The following RPTOR variants were observed in gnomAD, a reference collection of about 807,000 sequenced individuals.
RPTOR encodes the protein regulatory-associated protein of mTOR.
Under a neutral mutation model 169.9 loss-of-function variants are expected in RPTOR, and 21 were observed. The ratio of observed to expected loss-of-function variants is 0.12; its 90% CI spans 0.09 to 0.18. RPTOR has a LOEUF of 0.18. RPTOR is among the 10% of genes least tolerant of loss of function. The probability of loss-of-function intolerance (pLI) is 1.00; values close to 1 mark genes in which losing one functional copy is unlikely to be tolerated. For missense variants in RPTOR, 1,133 were observed against 1,855.9 expected (o/e 0.61, Z 7.16); for synonymous variants, 732 against 753.2 (o/e 0.97, Z 0.46).
chr17:80,849,659 C>T (rs1224997913), intron 11 of RPTOR, among the ~76,000 whole-genome samples: 1 of 152,210 alleles, frequency 6.6e-6, no homozygotes, highest in African/African-American at 2.4e-5. Flanking sequence ...GCTGGGATTA[C>T]AGGCACCCGC....
In RPTOR at chr17:80,704,822, G is replaced by A. The variant is rs538491293; in HGVS notation, c.349-3019G>A. On this transcript the variant is annotated intron_variant, in intron 3 of 33. Transcript: ENST00000306801. The stretch of plus-strand genomic sequence containing the variant: ...CACCACAGAATTTACCGTCTACACA[G>A]AATTGAGATAGCTGCACATGAATGT... Among the ~76,000 whole-genome samples the A allele has an allele frequency of 2.0e-5, 3 of 152,366 alleles. No homozygotes were observed. In the South Asian group the frequency reaches 6.2e-4, roughly 32 times the overall value.
chr17:80,914,437 C>G (rs115194308), intron 21 of RPTOR, among the ~76,000 whole-genome samples: 1 of 152,182 alleles, frequency 6.6e-6, no homozygotes, highest in Non-Finnish European at 1.5e-5. Flanking sequence ...GGACCAGGAG[C>G]GGGCAGGAGC....
intron 20 of RPTOR, among the ~76,000 whole-genome samples, chr17:80,899,402 A>AT (rs201818544): frequency 2.0e-5 from 3 of 152,118 alleles, no homozygotes; most frequent in African/African-American, 7.3e-5. Context: ...GAAAAAAGGT[A>AT]TTTAAAAATT....
intron 13 of RPTOR, among the ~76,000 whole-genome samples, chr17:80,859,711 TGTGTGCAC>T (rs1424751986): frequency 2.6e-5 from 4 of 152,304 alleles, no homozygotes; most frequent in Non-Finnish European, 5.9e-5. Flanking sequence ...GGCCAGCTGC[TGTGTGCAC>T]GTGTGTGCGG....
intron 4 of RPTOR, among the ~76,000 whole-genome samples, chr17:80,710,322 T>C (rs913833531): frequency 1.3e-5 from 2 of 152,028 alleles, no homozygotes; most frequent in Admixed American, 1.3e-4. Flanking sequence ...TTGTCCTTCT[T>C]GTCTTGGTGT....
chr17:80,618,661 C>T (rs192435344), intron 1 of RPTOR, among the ~76,000 whole-genome samples: 2 of 152,224 alleles, frequency 1.3e-5, no homozygotes, highest in East Asian at 1.9e-4. Flanking sequence ...AGAATTTGGC[C>T]TAAAAAAAGA....
At chr17:80,664,082 G>C (rs535387846) in intron 3 of RPTOR, among the ~76,000 whole-genome samples, 2 of 152,126 alleles carry the variant, frequency 1.3e-5, no homozygotes, top group African/African-American at 4.8e-5. Context: ...CCAGGGCTGC[G>C]TCTGGGAGGG....
intron 9 of RPTOR, among the ~76,000 whole-genome samples, chr17:80,826,814 G>C (rs2067449038): frequency 6.6e-6 from 1 of 152,264 alleles, no homozygotes; most frequent in Non-Finnish European, 1.5e-5. Flanking sequence ...GGCTCCACCA[G>C]CCACACAGCT....
chr17:80,626,513 A>G (rs1446704439), intron 2 of RPTOR, among the ~76,000 whole-genome samples: 2 of 152,094 alleles, frequency 1.3e-5, no homozygotes, highest in Non-Finnish European at 2.9e-5. Context: ...GGCCCATAAT[A>G]ATAATGGCCA....
intron 21 of RPTOR, among the ~76,000 whole-genome samples, chr17:80,911,074 G>A (rs989863568): frequency 2.3e-4 from 35 of 152,078 alleles, no homozygotes; most frequent in African/African-American, 7.2e-4. Flanking sequence ...CTCGTGATCC[G>A]CCTGCCTCGG....
chr17:80,832,501 C>T (rs149616452), intron 9 of RPTOR, among the ~76,000 whole-genome samples: 1 of 152,232 alleles, frequency 6.6e-6, no homozygotes. Context: ...AGTGGCATGT[C>T]CCAGCTCCAA....
chr17:80,888,404 G>A (rs924956412), intron 17 of RPTOR, among the ~76,000 whole-genome samples: 1 of 152,238 alleles, frequency 6.6e-6, no homozygotes, highest in Non-Finnish European at 1.5e-5. Context: ...TTCCCAGGAC[G>A]CTGCTCGGGC....
intron 15 of RPTOR, 93 bp downstream of exon 15, chr17:80,883,577 AG>A (rs976121769): frequency 6.1e-5 from 50 of 818,370 alleles, no homozygotes; most frequent in Non-Finnish European, 9.0e-5. Context: ...CATGGGGGAC[AG>A]GGGGTGTCCA....
At chr17:80,819,671 C>T (rs770929505) in intron 7 of RPTOR, among the ~76,000 whole-genome samples, 3 of 152,188 alleles carry the variant, frequency 2.0e-5, no homozygotes, top group Non-Finnish European at 2.9e-5. Flanking sequence ...GTAGTGCCAG[C>T]GCACGCTCGT....
At chr17:80,781,370 GACA>G (rs1209877147) in intron 6 of RPTOR, among the ~76,000 whole-genome samples, 1 of 152,184 alleles carries the variant, frequency 6.6e-6, no homozygotes, top group Non-Finnish European at 1.5e-5. Flanking sequence ...GCCACCCCAA[GACA>G]ACACTTCCTC....
intron 5 of RPTOR, among the ~76,000 whole-genome samples, chr17:80,732,821 TGTTAGG>T (rs1305786074): frequency 2.0e-5 from 3 of 152,246 alleles, no homozygotes; most frequent in African/African-American, 7.2e-5. Flanking sequence ...CTGTGTAGCC[TGTTAGG>T]GTTTTTCTTT....
At chr17:80,679,175 G>A (rs1052247037) in intron 3 of RPTOR, among the ~76,000 whole-genome samples, 4 of 152,218 alleles carry the variant, frequency 2.6e-5, no homozygotes, top group Non-Finnish European at 5.9e-5. Context: ...CTCGGGAGGC[G>A]GAAGTTGCAG....
chr17:80,615,195 T>C (rs1223630710), intron 1 of RPTOR, among the ~76,000 whole-genome samples: 1 of 152,190 alleles, frequency 6.6e-6, no homozygotes, highest in Non-Finnish European at 1.5e-5. Context: ...TCAAGGGGGC[T>C]TCTGTAGCTG....
rs570831943 is a variant in RPTOR at position 80,947,704 on chromosome 17, C to T, written c.3265+353C>T. 6.6e-6 allele frequency among the ~76,000 whole-genome samples: 1 copy of T among 152,288 alleles called. No individual in the cohort carries two copies. The highest frequency in any genetic ancestry group is 2.1e-4 in the South Asian group (1 of 4,822). On this transcript the variant is annotated intron_variant, in intron 27 of 33. Coordinates refer to ENST00000306801, the MANE Select transcript of RPTOR (RefSeq NM_020761.3). The surrounding 1 kb of genome is among the most constrained non-coding windows in gnomAD (Gnocchi z 4.4). ...GAGAATCAGGGAAGGATGCCCCAAG[C>T]CACAACACGTGCCAGGTCCTCCCCG...
Sources: gnomAD v4.1 joint callset for allele counts (sites outside exome capture counted in the v4.1 genomes callset) on GRCh38, gnomAD v4.1.1 for gene constraint, Gnocchi (gnomAD v3.1) non-coding constraint, MANE v1.5 for transcripts, NCBI Gene and HGNC (gene_info 2026-07-23, HGNC 2026-07-21) for gene names.